SRSF9: variants seen among roughly 807,000 people sequenced by gnomAD.
SRSF9 encodes serine/arginine-rich splicing factor 9.
SRSF9 carries 3 observed loss-of-function variants against 25.9 expected under a neutral mutation model. That is an observed-to-expected ratio of 0.12 (90% CI 0.05 to 0.30). The LOEUF (loss-of-function observed/expected upper bound fraction) is 0.30, where lower values mean the gene tolerates loss of function less well. Among genes scored for constraint, SRSF9 ranks in the 10% least tolerant of loss-of-function variants. SRSF9 has a pLI of 1.00. For synonymous variants in SRSF9, 114 were observed against 113.2 expected (o/e 1.01, Z -0.05); for missense variants, 161 against 303.5 (o/e 0.53, Z 3.49).
At position 120,462,177 on chromosome 12, in the gene SRSF9, A is replaced by G; in HGVS notation, c.523-15T>C. The G allele has an allele frequency of 6.2e-7, 1 of 1,601,290 alleles. No individual in the cohort carries two copies. The highest frequency in any genetic ancestry group is 8.5e-7 in the Non-Finnish European group (1 of 1,174,142). On this transcript the variant is annotated splice_polypyrimidine_tract_variant and intron_variant, in intron 3 of 3. Transcript: ENST00000229390. ...GAAGTTTCACCCTGAAATGCAAACA[A>G]AAACAAAAAGAGTAAAGGGGAAAAA...
Position 120,461,728 on chromosome 12 carries a change from CTGT to C in SRSF9, c.*288_*290del, listed in dbSNP as rs1878344714. 2.1e-5 allele frequency: 5 copies of C among 234,234 alleles called. No individual in the cohort carries two copies. Among genetic ancestry groups the C allele is most frequent in the Non-Finnish European group, 2.4e-5 (3 of 122,672 alleles). 14.5% of individuals were successfully genotyped at this position (234,234 alleles called of 1,614,324 possible). A position where few individuals can be genotyped will look rare whatever the true frequency, so the allele number is the denominator to read the frequency against. On this transcript the variant is annotated 3_prime_UTR_variant, in exon 4 of 4. Coordinates refer to ENST00000229390, the MANE Select transcript of SRSF9 (RefSeq NM_003769.3). ...GAATGGGCCGACTCAGTCACAGTAA[CTGT>C]TGATCTCCATAGTAGAGCAACCCAC...
chr12:120,465,486 G>C lies in SRSF9; in HGVS notation c.349+141C>G, dbSNP rs1262247884. ...GGATACTTTCCTCATTGGCAATCCA[G>C]GGCAAGGCTTCACACAGGCTATTGA... On this transcript the variant is annotated intron_variant, in intron 2 of 3. Coordinates refer to ENST00000229390, the MANE Select transcript of SRSF9 (RefSeq NM_003769.3). 3 of 906,908 alleles carry C rather than the reference G, an allele frequency of 3.3e-6. No individual in the cohort carries two copies. The African/African-American group carries it at 5.3e-5, about 16-fold the overall frequency. 56.2% of individuals were successfully genotyped at this position (906,908 alleles called of 1,614,324 possible). A position where few individuals can be genotyped will look rare whatever the true frequency, so the allele number is the denominator to read the frequency against.
Position 120,464,051 on chromosome 12 carries a change from CAGCATAACAG to C in SRSF9, c.411_420del (p.Cys138MetfsTer93). 6.2e-7 allele frequency: 1 copy of C among 1,614,198 alleles called. No homozygotes were observed. The highest frequency in any genetic ancestry group is 8.5e-7 in the Non-Finnish European group (1 of 1,180,034). On this transcript the variant is annotated frameshift_variant, in exon 3 of 4. Coordinates refer to ENST00000229390, the MANE Select transcript of SRSF9 (RefSeq NM_003769.3). LOFTEE classifies it high-confidence loss of function. ...ATCCCCACTCCATCCTTCTGCACATCAGCATAACAGACATCCCCAGCTTCTCGCATGTGAT... is the reference window on the plus strand; with the variant it reads ...ATCCCCACTCCATCCTTCTGCACATCACATCCCCAGCTTCTCGCATGTGAT...
intron 1 of SRSF9, among the ~76,000 whole-genome samples, chr12:120,468,816 C>T (rs142217535): frequency 6.6e-6 from 1 of 152,214 alleles, no homozygotes; most frequent in Non-Finnish European, 1.5e-5. Flanking sequence ...CGCCAAGCCT[C>T]CCTCATCAAA....
intron 3 of SRSF9, 160 bp from the exon 4 acceptor site, chr12:120,462,322 G>A (rs769749189): frequency 9.3e-6 from 6 of 644,426 alleles, no homozygotes; most frequent in South Asian, 2.8e-5. Context: ...AACATTATGA[G>A]GTAGGTACTC....
At chr12:120,464,383 G>T in intron 2 of SRSF9, 1 of 343,034 alleles carries the variant, frequency 2.9e-6, no homozygotes, top group Non-Finnish European at 5.3e-6. Context: ...TCCCATTACA[G>T]GTTTAGTATC....
chr12:120,465,515 G>GA, intron 2 of SRSF9, 112 bp downstream of exon 2: 2 of 1,215,622 alleles, frequency 1.6e-6, no homozygotes, highest in Non-Finnish European at 2.2e-6. Flanking sequence ...CTATTGAAAA[G>GA]AAAGCCCCCG....
intron 2 of SRSF9, chr12:120,465,395 A>G: frequency 2.7e-6 from 1 of 375,134 alleles, no homozygotes; most frequent in South Asian, 8.5e-5. Flanking sequence ...ACCACTAGAA[A>G]ACTCCTTTAC....
At chr12:120,462,875 T>A (rs1878389690) in intron 3 of SRSF9, 1 of 152,134 alleles carries the variant, frequency 6.6e-6, no homozygotes, top group Admixed American at 6.5e-5. Context: ...GTAATTGGAG[T>A]TACCCTTTCT....
intron 3 of SRSF9, chr12:120,463,194 C>G (rs1417604736): frequency 6.6e-6 from 1 of 152,114 alleles, no homozygotes; most frequent in Non-Finnish European, 1.5e-5. Context: ...AACTGAGATC[C>G]AAAACAGCAG....
chr12:120,465,707 T>C lies in SRSF9; in HGVS notation c.269A>G (p.Tyr90Cys), dbSNP rs749575527. ...CRLRVEFPRT[Y>C]GGRGGWPRGG... ...ACGGGGCCACCCACCCCGACCTCCA[T>C]AAGTCCTGGGGAACTCCACACGAAG... Residue 90 changes from tyrosine to cysteine, a missense_variant, in exon 2 of 4, where the codon TAT (tyrosine) becomes TGT (cysteine). Around this residue, in one of 3 missense-constraint regions of SRSF9, gnomAD observed 99 missense variants for 156.7 expected, o/e 0.63. Transcript: ENST00000229390. The C allele has an allele frequency of 1.2e-5, 19 of 1,605,324 alleles. No individual in the cohort carries two copies. Among genetic ancestry groups the C allele is most frequent in the Non-Finnish European group, 1.6e-5 (19 of 1,177,308 alleles).
chr12:120,463,728 A>G (rs1813982416), intron 3 of SRSF9: 1 of 493,086 alleles, frequency 2.0e-6, no homozygotes, highest in African/African-American at 1.9e-5. Context: ...AATATGCAGA[A>G]TAAAGCATAT....
rs1160645577 is a variant in SRSF9 at position 120,469,421 on chromosome 12, C to T, written c.188+1G>A. 3 of 1,579,970 alleles carry T rather than the reference C, an allele frequency of 1.9e-6. No homozygotes were observed. Among genetic ancestry groups the T allele is most frequent in the Non-Finnish European group, 2.6e-6 (3 of 1,164,364 alleles). On this transcript the variant is annotated splice_donor_variant, in intron 1 of 3. Transcript: ENST00000229390. LOFTEE classifies it high-confidence loss of function. ...AGAGGGCAGGGGCGCGGGGGCCTCACCGGGGGTCCTCGAAGCGCACGAAGG... is the reference window on the plus strand; with the variant it reads ...AGAGGGCAGGGGCGCGGGGGCCTCATCGGGGGTCCTCGAAGCGCACGAAGG...
chr12:120,462,750 G>A (rs1878385997), intron 3 of SRSF9: 2 of 152,254 alleles, frequency 1.3e-5, no homozygotes. Context: ...CAGCAGAGGA[G>A]TCATGTCCAG....
At chr12:120,465,846 A>C (rs943831626) in intron 1 of SRSF9, 59 bp from the exon 2 acceptor site, 2 of 1,514,084 alleles carry the variant, frequency 1.3e-6, no homozygotes, top group African/African-American at 2.9e-5. Flanking sequence ...CAGGAGGCCA[A>C]GTGACTTTCC....
At chr12:120,465,433 C>T in intron 2 of SRSF9, 194 bp downstream of exon 2, 2 of 491,500 alleles carry the variant, frequency 4.1e-6, no homozygotes, top group Non-Finnish European at 3.4e-6. Context: ...TCTTCCAAGG[C>T]TGCACTCCCA....
intron 2 of SRSF9, 48 bp downstream of exon 2, chr12:120,465,579 G>GT: frequency 6.5e-7 from 1 of 1,531,064 alleles, no homozygotes. Context: ...CAGACTCTGT[G>GT]TTAAGTATTT....
intron 2 of SRSF9, 58 bp downstream of exon 2, chr12:120,465,569 C>CA: frequency 6.6e-7 from 1 of 1,504,502 alleles, no homozygotes; most frequent in African/African-American, 1.4e-5. Flanking sequence ...TCTTGGAAGA[C>CA]AGACTCTGTG....
chr12:120,467,490 G>T (rs1279579607), intron 1 of SRSF9, among the ~76,000 whole-genome samples: 3 of 152,100 alleles, frequency 2.0e-5, no homozygotes, highest in Non-Finnish European at 4.4e-5. Context: ...GACAGAGCCA[G>T]ACTCCATCTC....
Sources: gnomAD v4.1 joint callset for allele counts (sites outside exome capture counted in the v4.1 genomes callset) on GRCh38, gnomAD v4.1.1 for gene constraint, gnomAD v4.1.1 regional missense constraint, MANE v1.5 for transcripts, NCBI Gene and HGNC (gene_info 2026-07-23, HGNC 2026-07-21) for gene names.